PCDHGA1: variants seen among roughly 807,000 people sequenced by gnomAD.
The protein encoded by PCDHGA1 is protocadherin gamma subfamily A, 1.
In PCDHGA1, 32 loss-of-function variants were observed where a neutral mutation model predicts 58.0. That is an observed-to-expected ratio of 0.55 (90% CI 0.42 to 0.74). PCDHGA1 has a LOEUF of 0.74. Among genes scored for constraint, PCDHGA1 ranks in the 30% least tolerant of loss-of-function variants. The probability of loss-of-function intolerance (pLI) is 0.00; values close to 1 mark genes in which losing one functional copy is unlikely to be tolerated. For missense variants in PCDHGA1, 1,205 were observed against 1,182.3 expected, an observed-to-expected ratio of 1.02 and a Z score of -0.28; for synonymous variants, 498 against 501.1, an observed-to-expected ratio of 0.99 and a Z score of 0.08.
At chr5:141,415,740 GTTTTTTTTTTTTT>G (rs57426385) in intron 1 of PCDHGA1, 160 of 625,000 alleles carry the variant, frequency 2.6e-4, no homozygotes, top group Middle Eastern at 1.1e-3. Context: ...GTTTATTAAG[GTTTTTTTTTTTTT>G]TTTTTTTTTT....
chr5:141,505,509 G>A (rs778054090), intron 3 of PCDHGA1, 28 bp downstream of exon 3: 1 of 1,613,940 alleles, frequency 6.2e-7, no homozygotes, highest in Non-Finnish European at 8.5e-7. Context: ...GTGTATGGAA[G>A]AGTGGGAGAC....
intron 1 of PCDHGA1, chr5:141,439,900 A>G (rs562278732): frequency 6.6e-5 from 10 of 152,362 alleles, no homozygotes; most frequent in African/African-American, 2.2e-4. Flanking sequence ...CAAGGCGACT[A>G]CTGCCTCCTT....
Position 141,333,070 on chromosome 5 carries a change from T to A in PCDHGA1, c.2386T>A (p.Ser796Thr), listed in dbSNP as rs1178152907. ...AAAGGGTTTTCTATCAGCACCCCAG[T>A]CTTTACTTGAAGACAAAAAGGAACC... ...EKKGFLSAPQ[S>T]LLEDKKEPFS... Residue 796 changes from serine to threonine, a missense_variant, in exon 1 of 4, where the codon TCT becomes ACT. By Grantham distance (58) the Ser-to-Thr change is moderately conservative. Coordinates refer to ENST00000517417, the MANE Select transcript of PCDHGA1 (RefSeq NM_018912.3). 1 of 1,614,188 alleles carries A rather than the reference T, an allele frequency of 6.2e-7. No homozygotes were observed. Among genetic ancestry groups the A allele is most frequent in the Admixed American group, 1.7e-5 (1 of 60,030 alleles).
chr5:141,387,752 GGAAAAAGAAGAATTTTTTCTT>G, intron 1 of PCDHGA1: 1 of 1,398,886 alleles, frequency 7.1e-7, no homozygotes, highest in Non-Finnish European at 9.5e-7. Context: ...CTTCCTCCTC[GGAAAAAGAAGAATTTTTTCTT>G]GAACTGGAAC....
intron 1 of PCDHGA1, chr5:141,400,039 C>T: frequency 6.2e-7 from 1 of 1,613,512 alleles, no homozygotes; most frequent in Non-Finnish European, 8.5e-7. Context: ...CCGCCAGCGC[C>T]TGCTGGTTGC....
At chr5:141,408,297 C>G in intron 1 of PCDHGA1, 1 of 1,613,652 alleles carries the variant, frequency 6.2e-7, no homozygotes, top group East Asian at 2.2e-5. Flanking sequence ...CTGAGTGAGC[C>G]GATCCGCTAC....
At chr5:141,356,667 C>T (rs886604200) in intron 1 of PCDHGA1, 1 of 1,613,920 alleles carries the variant, frequency 6.2e-7, no homozygotes, top group Admixed American at 1.7e-5. Flanking sequence ...GAATCACTTA[C>T]TCCCTGGCCG....
chr5:141,351,805 C>A, intron 1 of PCDHGA1: 3 of 1,613,350 alleles, frequency 1.9e-6, no homozygotes, highest in Non-Finnish European at 2.5e-6. Flanking sequence ...CGCAGCGCGC[C>A]TTCGACCACG....
At chr5:141,404,451 C>G in intron 1 of PCDHGA1, 4 of 1,613,166 alleles carry the variant, frequency 2.5e-6, no homozygotes, top group Non-Finnish European at 3.4e-6. Flanking sequence ...CAAGGGTCTC[C>G]TCTCTCCACC....
intron 1 of PCDHGA1, chr5:141,392,164 A>C (rs2092476759): frequency 1.3e-5 from 2 of 152,244 alleles, no homozygotes; most frequent in African/African-American, 4.8e-5. Flanking sequence ...ACAATTTCTG[A>C]GTCAGTCATC....
At chr5:141,383,288 T>A (rs1441416956) in intron 1 of PCDHGA1, 2 of 1,613,768 alleles carry the variant, frequency 1.2e-6, no homozygotes, top group Middle Eastern at 1.6e-4. Flanking sequence ...AATGACAACG[T>A]TCCAAGATTC....
At chr5:141,355,234 C>A in intron 1 of PCDHGA1, 1 of 1,612,190 alleles carries the variant, frequency 6.2e-7, no homozygotes, top group Non-Finnish European at 8.5e-7. Flanking sequence ...AGACCACACC[C>A]GGCTGCTCCA....
chr5:141,383,510 A>G (rs1390731022), intron 1 of PCDHGA1: 1 of 1,612,804 alleles, frequency 6.2e-7, no homozygotes, highest in Admixed American at 1.7e-5. Context: ...GACCGGGAGG[A>G]AGAGCGGGTT....
intron 1 of PCDHGA1, among the ~76,000 whole-genome samples, chr5:141,359,265 G>A (rs2149806692): frequency 6.6e-6 from 1 of 152,134 alleles, no homozygotes; most frequent in African/African-American, 2.4e-5. Flanking sequence ...AATATAATTT[G>A]GAAATGCTCA....
At chr5:141,359,655 A>G (rs1161602645) in intron 1 of PCDHGA1, among the ~76,000 whole-genome samples, 4 of 152,072 alleles carry the variant, frequency 2.6e-5, no homozygotes, top group African/African-American at 9.7e-5. Flanking sequence ...GAGACAGAAT[A>G]TTTATAAAAA....
rs750804901 is a variant in PCDHGA1 at position 141,476,422 on chromosome 5, C to G, written c.2422-18385C>G. On this transcript the variant is annotated intron_variant, in intron 1 of 3. Coordinates refer to ENST00000517417, the MANE Select transcript of PCDHGA1 (RefSeq NM_018912.3). The surrounding 1 kb of genome is among the most constrained non-coding windows in gnomAD (Gnocchi z 7.6). ...GAGAGGAGCTGTGTGGGACACTGCC[C>G]TCTTGCACTGTAACTCTGGAGTTGG... 17 of 1,614,026 alleles carry G rather than the reference C, an allele frequency of 1.1e-5. No individual in the cohort carries two copies. The highest frequency in any genetic ancestry group is 1.4e-5 in the Non-Finnish European group (17 of 1,180,030).
chr5:141,363,615 G>T (rs973220215), intron 1 of PCDHGA1, among the ~76,000 whole-genome samples: 10 of 152,342 alleles, frequency 6.6e-5, no homozygotes, highest in Admixed American at 3.9e-4. Context: ...TGAGATAGTG[G>T]AGAGACTTTC....
intron 1 of PCDHGA1, among the ~76,000 whole-genome samples, chr5:141,481,695 T>A (rs2099542216): frequency 1.3e-5 from 2 of 152,122 alleles, no homozygotes; most frequent in Non-Finnish European, 2.9e-5. Context: ...GGCTCACGCC[T>A]GTAATCCCAG....
At chr5:141,420,334 T>A in intron 1 of PCDHGA1, 1 of 1,402,910 alleles carries the variant, frequency 7.1e-7, no homozygotes, top group Non-Finnish European at 9.5e-7. Context: ...TATATTCCAA[T>A]ATAGTGGTAT....
Sources: gnomAD v4.1 joint callset for allele counts (sites outside exome capture counted in the v4.1 genomes callset) on GRCh38, gnomAD v4.1.1 for gene constraint, Gnocchi (gnomAD v3.1) non-coding constraint, MANE v1.5 for transcripts, NCBI Gene and HGNC (gene_info 2026-07-23, HGNC 2026-07-21) for gene names.